The following DLEC1 variants were observed in gnomAD, a reference collection of about 807,000 sequenced individuals.
DLEC1 encodes DLEC1 cilia and flagella associated protein, also known as deleted in lung and esophageal cancer protein 1.
A neutral mutation model predicts 198.1 loss-of-function variants in DLEC1; 146 were observed. That is an observed-to-expected ratio of 0.74 (90% CI 0.64 to 0.85). DLEC1 has a LOEUF of 0.85. Ranked by LOEUF, DLEC1 falls within the 40% of genes least tolerant of loss-of-function variation. The pLI, the probability that DLEC1 is intolerant of heterozygous loss-of-function variation, is 0.00. For missense variants in DLEC1, 2,233 were observed against 2,220.0 expected (o/e 1.01, Z -0.12); for synonymous variants, 897 against 866.8 (o/e 1.03, Z -0.61).
chr3:38,045,396 C>A, intron 1 of DLEC1, 147 bp from the exon 2 acceptor site: 1 of 1,102,174 alleles, frequency 9.1e-7, no homozygotes, highest in Non-Finnish European at 1.2e-6. Flanking sequence ...GTTTTCAGAT[C>A]TAGTAGTTCA....
chr3:38,107,772 A>G, intron 20 of DLEC1, 35 bp downstream of exon 20: 1 of 1,604,686 alleles, frequency 6.2e-7, no homozygotes. Context: ...AGCAGTCTGC[A>G]GCCCTCAGCC....
Position 38,088,356 on chromosome 3 carries a change from G to C in DLEC1, c.1633G>C (p.Glu545Gln). The change falls in exon 10 of 37, where the codon GAG becomes CAG. Residue 545 changes from glutamate (E) to glutamine (Q), a missense_variant. By Grantham distance (29) the Glu-to-Gln change is conservative (BLOSUM62 2). Coordinates refer to ENST00000308059, the MANE Select transcript of DLEC1 (RefSeq NM_007335.4). ...TTTTGGAATCCTGCCTTCGGTGTTT[G>C]AGCTGGCCCCGGGACATGCTATATT... is the stretch of plus-strand genomic sequence containing the variant. ...PPFGILPSVF[E>Q]LAPGHAILVE... 6 of 1,614,000 alleles carry C rather than the reference G, an allele frequency of 3.7e-6. No homozygotes were observed. Among genetic ancestry groups the C allele is most frequent in the Non-Finnish European group, 5.1e-6 (6 of 1,179,902 alleles).
chr3:38,118,057 T>C lies in DLEC1; in HGVS notation c.4704+33T>C. 4 of 1,558,872 alleles carry C rather than the reference T, an allele frequency of 2.6e-6. No homozygotes were observed. In the South Asian group the frequency reaches 3.5e-5, roughly 14 times the overall value. ...GGGGAGTCTGCAGCCCTTGCCTCGA[T>C]GGCACACCCTCACATGTGTACAGAC... On this transcript the variant is annotated intron_variant, in intron 33 of 36. Coordinates refer to ENST00000308059, the MANE Select transcript of DLEC1 (RefSeq NM_007335.4).
In DLEC1 at chr3:38,123,324, G is replaced by C; in HGVS notation, c.*912G>C. On this transcript the variant is annotated 3_prime_UTR_variant, in exon 37 of 37. Transcript: ENST00000308059. ...CAGGCTAGTATCCCTTTCAAGGCTG[G>C]CCCTTAAGGAAAACAGGGATCATGC... The C allele has an allele frequency of 1.7e-6, 1 of 581,596 alleles. No homozygotes were observed. The highest frequency in any genetic ancestry group is 3.1e-6 in the Non-Finnish European group (1 of 324,110). The allele number at this position is 581,596 out of a possible 1,614,324, so 36.0% of individuals were successfully genotyped here.
intron 12 of DLEC1, 77 bp downstream of exon 12, chr3:38,093,844 A>G: frequency 6.4e-7 from 1 of 1,568,852 alleles, no homozygotes; most frequent in Non-Finnish European, 8.7e-7. Context: ...GTGAGACAGG[A>G]GGTCCTTCCA....
intron 6 of DLEC1, among the ~76,000 whole-genome samples, chr3:38,064,878 C>T (rs1257556361): frequency 1.3e-5 from 2 of 151,682 alleles, no homozygotes; most frequent in East Asian, 2.0e-4. Flanking sequence ...CAGAGGGGCT[C>T]CTCACATCCC....
rs759447141 is a variant in DLEC1 at position 38,116,551 on chromosome 3, C to G, written c.3955C>G (p.Gln1319Glu). ...FYGPPFPLRD[Q>E]AGNELVCPDT... is the part of the protein sequence containing the mutation. Reference sequence around the variant, plus strand: ...TGGGCCACCTTTCCCGCTGCGGGACCAAGCCGGGAATGAGCTTGTGTGCCC... The same window carrying G: ...TGGGCCACCTTTCCCGCTGCGGGACGAAGCCGGGAATGAGCTTGTGTGCCC... Residue 1319 changes from glutamine (Q) to glutamate (E), a missense_variant, in exon 28 of 37, where the codon CAA becomes GAA. Physicochemically the swap from Gln to Glu is conservative, Grantham distance 29. Coordinates refer to ENST00000308059, the MANE Select transcript of DLEC1 (RefSeq NM_007335.4). 2 of 1,614,116 alleles carry G rather than the reference C, an allele frequency of 1.2e-6. No individual in the cohort carries two copies. The highest frequency in any genetic ancestry group is 1.1e-5 in the South Asian group (1 of 91,084).
chr3:38,097,288 C>T lies in DLEC1; in HGVS notation c.2434+13C>T. 1 of 1,569,726 alleles carries T rather than the reference C, an allele frequency of 6.4e-7. No individual in the cohort carries two copies. Among genetic ancestry groups the T allele is most frequent in the Non-Finnish European group, 8.6e-7 (1 of 1,156,166 alleles). On this transcript the variant is annotated intron_variant, in intron 16 of 36. Transcript: ENST00000308059. ...ACAGGGGTCATAGGTACCTTGGGGA[C>T]TGCAGGAGGGGTTGTGACCTGCCTG...
At chr3:38,118,305 T>G (rs1359617228) in intron 33 of DLEC1, among the ~76,000 whole-genome samples, 1 of 152,166 alleles carries the variant, frequency 6.6e-6, no homozygotes, top group Non-Finnish European at 1.5e-5. Context: ...CTTTCCCTCT[T>G]AGTCCCCACT....
intron 2 of DLEC1, chr3:38,051,625 C>T (rs943284465): frequency 4.5e-5 from 10 of 221,992 alleles, no homozygotes; most frequent in African/African-American, 1.6e-4. Flanking sequence ...GAGACAAGGA[C>T]GGTGGAGTCG....
chr3:38,097,929 G>A (rs1402087324), intron 18 of DLEC1, 27 bp downstream of exon 18: 1 of 1,613,778 alleles, frequency 6.2e-7, no homozygotes, highest in East Asian at 2.2e-5. Flanking sequence ...TGGTTCCTCT[G>A]GTGCCCCCAC....
intron 6 of DLEC1, among the ~76,000 whole-genome samples, chr3:38,067,519 C>T (rs565715491): frequency 3.4e-4 from 51 of 152,154 alleles, no homozygotes; most frequent in Non-Finnish European, 7.4e-5. Context: ...AGAGAGAGCA[C>T]AATGGGAATG....
chr3:38,103,813 C>T (rs568879672), intron 19 of DLEC1: 9 of 152,182 alleles, frequency 5.9e-5, no homozygotes, highest in South Asian at 2.1e-4. Context: ...GGGAGAGAGA[C>T]GGAAATGACC....
chr3:38,099,422 A>G (rs762926174), intron 18 of DLEC1, among the ~76,000 whole-genome samples: 5 of 152,196 alleles, frequency 3.3e-5, no homozygotes, highest in Non-Finnish European at 7.3e-5. Flanking sequence ...ATGTTATAGT[A>G]TTGTAAGATA....
rs373974360 is a variant in DLEC1, at chr3:38,123,209, AG to A, written c.*798del. The stretch of plus-strand genomic sequence containing the variant: ...CTGACCCAGAAGGACGTCATGGACA[AG>A]TAGGATGCAAAACCATCAGACCAGA... On this transcript the variant is annotated 3_prime_UTR_variant, in exon 37 of 37. Transcript: ENST00000308059. The A allele has an allele frequency of 8.6e-5, 113 of 1,313,468 alleles. 3 individuals are homozygous for A. The African/African-American group carries it at 1.2e-3, about 14-fold the overall frequency. The allele number at this position is 1,313,468 out of a possible 1,614,324, so 81.4% of individuals were successfully genotyped here.
At chr3:38,111,518 G>T (rs867699191) in intron 23 of DLEC1, among the ~76,000 whole-genome samples, 159 bp from the exon 24 acceptor site, 1 of 152,164 alleles carries the variant, frequency 6.6e-6, no homozygotes, top group Non-Finnish European at 1.5e-5. Flanking sequence ...AGAGAAGGAG[G>T]TAAAGGAAAG....
intron 6 of DLEC1, among the ~76,000 whole-genome samples, chr3:38,067,156 C>G (rs1559411914): frequency 6.6e-6 from 1 of 152,220 alleles, no homozygotes; most frequent in Non-Finnish European, 1.5e-5. Flanking sequence ...GCCTACTTGT[C>G]TAATTCTCAT....
chr3:38,109,685 G>A (rs575564861), intron 22 of DLEC1, 123 bp downstream of exon 22: 13 of 1,512,808 alleles, frequency 8.6e-6, no homozygotes, highest in African/African-American at 4.1e-5. Flanking sequence ...GCAGGAAAAC[G>A]CCACAGTGTT....
intron 1 of DLEC1, among the ~76,000 whole-genome samples, chr3:38,042,691 G>A (rs953056595): frequency 1.3e-5 from 2 of 151,858 alleles, no homozygotes; most frequent in Non-Finnish European, 2.9e-5. Flanking sequence ...AAGTAGCTGG[G>A]ATTACAGGCA....
Sources: allele counts gnomAD v4.1 joint callset (sites outside exome capture counted in the v4.1 genomes callset), GRCh38; gene constraint gnomAD v4.1.1; transcripts MANE v1.5; gene names NCBI Gene and HGNC (gene_info 2026-07-23, HGNC 2026-07-21).